CHODL: variants seen among roughly 807,000 people sequenced by gnomAD.
The protein encoded by CHODL is transmembrane protein MT75.
CHODL carries 29 observed loss-of-function variants against 34.5 expected under a neutral mutation model. The observed-to-expected ratio is 0.84, with a 90% CI of 0.63 to 1.15. The LOEUF (loss-of-function observed/expected upper bound fraction) is 1.15, where lower values mean the gene tolerates loss of function less well. Ranked by LOEUF, CHODL falls within the 50% of genes most tolerant of loss-of-function variation. The pLI is 0.00. For synonymous variants in CHODL, 125 were observed against 116.1 expected (o/e 1.08, Z -0.49); for missense variants, 332 against 332.5 (o/e 1.00, Z 0.01).
In CHODL at chr21:18,227,899, CAAATA is replaced by C. The variant is rs563807784; in HGVS notation, c.-44-28605_-44-28601del. 3.2e-4 allele frequency among the ~76,000 whole-genome samples: 49 copies of C among 152,154 alleles called. 1 individual carries two copies. Among genetic ancestry groups the C allele is most frequent in the African/African-American group, 1.2e-3 (48 of 41,544 alleles). On this transcript the variant is annotated intron_variant, in intron 2 of 6. Transcript: ENST00000400127. ...TGAAAATATTGCTTTGCAATAAATA[CAAATA>C]AAATTCTAACTTTCTAGAAGAACAA...
intron 1 of CHODL, among the ~76,000 whole-genome samples, chr21:17,977,346 G>C (rs1568826357): frequency 6.7e-6 from 1 of 150,120 alleles, no homozygotes; most frequent in East Asian, 2.0e-4. Flanking sequence ...ACATGTTAAG[G>C]TGTTGTTGGC....
intron 2 of CHODL, among the ~76,000 whole-genome samples, chr21:18,230,181 T>C (rs538768210): frequency 6.6e-6 from 1 of 152,234 alleles, no homozygotes; most frequent in East Asian, 1.9e-4. Flanking sequence ...TCAGTGCCAT[T>C]CAGGGTCCTC....
chr21:17,992,736 TTTTTTTTC>T lies in CHODL; in HGVS notation c.-144-35135_-144-35128del, dbSNP rs1308783482. 7.7e-3 allele frequency among the ~76,000 whole-genome samples: 386 copies of T among 49,864 alleles called. 17 individuals are homozygous for T. The South Asian group carries it at 0.1, about 13-fold the overall frequency. The allele number at this position is 49,864 out of a possible 152,430, so 32.7% of individuals were successfully genotyped here. ...TGGAGTTGTTTTTTTTTTTTTTTTT[TTTTTTTTC>T]CAGACAGAGTTTCACTTCTGTTGCT... On this transcript the variant is annotated intron_variant, in intron 1 of 6. Coordinates refer to the CHODL transcript ENST00000400127.
chr21:18,202,179 T>A (rs1376387259), intron 2 of CHODL, among the ~76,000 whole-genome samples: 1 of 152,202 alleles, frequency 6.6e-6, no homozygotes, highest in African/African-American at 2.4e-5. Context: ...GAAAATTGTA[T>A]TCAAATAATT....
At chr21:18,013,634 G>GTTTTTTTTTTTTTTTTTTTTTT (rs1568844372) in intron 1 of CHODL, among the ~76,000 whole-genome samples, 1 of 36,268 alleles carries the variant, frequency 2.8e-5, no homozygotes, top group African/African-American at 1.8e-4. Context: ...TGCTGCTGCT[G>GTTTTTTTTTTTTTTTTTTTTTT]CTTTTTTTTT....
At chr21:18,002,895 G>A (rs567447310) in intron 1 of CHODL, among the ~76,000 whole-genome samples, 1 of 152,018 alleles carries the variant, frequency 6.6e-6, no homozygotes, top group East Asian at 1.9e-4. Context: ...AGGCCGAGGC[G>A]GGCGGATCAT....
At chr21:18,028,274 T>C (rs1464312668) in intron 2 of CHODL, among the ~76,000 whole-genome samples, 194 of 17,510 alleles carry the variant, frequency 0.011, 6 homozygotes, top group African/African-American at 0.067. Context: ...CTTTTTCCTT[T>C]TCCCCTTCCT....
chr21:18,150,540 T>C (rs1040322220), intron 2 of CHODL, among the ~76,000 whole-genome samples: 3 of 152,106 alleles, frequency 2.0e-5, no homozygotes, highest in Admixed American at 6.5e-5. Context: ...GGGTTGCAGA[T>C]TGATGACAAC....
Position 18,003,462 on chromosome 21 carries a change from C to G in CHODL, c.-144-24410C>G, listed in dbSNP as rs141474990. Among the ~76,000 whole-genome samples, 723 of 151,264 alleles carry G rather than the reference C, an allele frequency of 4.8e-3. 9 individuals carry two copies. The highest frequency in any genetic ancestry group is 0.016 in the African/African-American group (659 of 41,328). ...TATTAAAAATGAAAACCAATACTGA[C>G]TGATTGCTTTCTAAGTGATAGGCAG... On this transcript the variant is annotated intron_variant, in intron 1 of 6. Transcript: ENST00000400127.
chr21:17,964,944 A>G (rs197523), intron 1 of CHODL, among the ~76,000 whole-genome samples: 95,281 of 152,036 alleles, frequency 0.63, 30,654 homozygotes, highest in East Asian at 0.79. Flanking sequence ...ATAGACAAAT[A>G]AAATAGAAGC....
At chr21:18,039,310 G>A (rs938133989) in intron 2 of CHODL, among the ~76,000 whole-genome samples, 39 of 151,732 alleles carry the variant, frequency 2.6e-4, no homozygotes, top group African/African-American at 8.5e-4. Context: ...TAATGTAATA[G>A]AAAGTGTTAA....
intron 2 of CHODL, among the ~76,000 whole-genome samples, chr21:18,188,194 T>C (rs576023496): frequency 5.3e-4 from 81 of 152,266 alleles, no homozygotes; most frequent in African/African-American, 1.9e-3. Flanking sequence ...CCCATGTAAG[T>C]CTACTTTGTT....
chr21:18,180,397 G>C (rs1041110458), intron 2 of CHODL, among the ~76,000 whole-genome samples: 5 of 152,136 alleles, frequency 3.3e-5, no homozygotes, highest in Non-Finnish European at 7.4e-5. Context: ...CTCCTGCTGG[G>C]CCTCCCAAAG....
chr21:17,952,653 T>C (rs197586), intron 1 of CHODL, among the ~76,000 whole-genome samples: 117,814 of 152,062 alleles, frequency 0.77, 46,450 homozygotes, highest in African/African-American at 0.93. Context: ...TTATGTGCAT[T>C]TGAAAATAGT....
intron 2 of CHODL, among the ~76,000 whole-genome samples, chr21:18,201,468 A>C (rs532621277): frequency 8.5e-5 from 13 of 152,224 alleles, no homozygotes; most frequent in Non-Finnish European, 1.9e-4. Flanking sequence ...TAATAACAAA[A>C]AAAAAAGACT....
At chr21:17,984,125 G>A (rs1211579072) in intron 1 of CHODL, among the ~76,000 whole-genome samples, 1 of 152,044 alleles carries the variant, frequency 6.6e-6, no homozygotes, top group Non-Finnish European at 1.5e-5. Flanking sequence ...GACTATTTTA[G>A]ATACCCGATG....
In CHODL at chr21:17,938,496, G is replaced by GTTTTTTTTTTTT. The variant is rs2063336099; in HGVS notation, c.-145+21096_-145+21097insTTTTTTTTTTTT. Among the ~76,000 whole-genome samples, 147 of 43,686 alleles carry GTTTTTTTTTTTT rather than the reference G, an allele frequency of 3.4e-3. 49 individuals are homozygous for GTTTTTTTTTTTT. Among genetic ancestry groups the GTTTTTTTTTTTT allele is most frequent in the South Asian group, 4.8e-3 (4 of 832 alleles). The allele number at this position is 43,686 out of a possible 152,430, so 28.7% of individuals were successfully genotyped here. A position where few individuals can be genotyped will look rare whatever the true frequency, so the allele number is the denominator to read the frequency against. ...TTTTTTTTTTTTTTTTTTTTTTTAA[G>GTTTTTTTTTTTT]GAAAGGGAGTCTCGCTCCATCGCCC... On this transcript the variant is annotated intron_variant, in intron 1 of 6. Coordinates refer to the CHODL transcript ENST00000400127.
At chr21:18,060,283 T>C (rs2064643193) in intron 2 of CHODL, among the ~76,000 whole-genome samples, 1 of 151,950 alleles carries the variant, frequency 6.6e-6, no homozygotes, top group African/African-American at 2.4e-5. Context: ...GGCAAAACCT[T>C]GTCTCTACAA....
At chr21:18,005,198 A>G (rs1357583829) in intron 1 of CHODL, among the ~76,000 whole-genome samples, 1 of 152,228 alleles carries the variant, frequency 6.6e-6, no homozygotes, top group Non-Finnish European at 1.5e-5. Flanking sequence ...ACTTCCTTGC[A>G]CCATGACTTG....
Sources: gnomAD v4.1 joint callset for allele counts (sites outside exome capture counted in the v4.1 genomes callset) on GRCh38, gnomAD v4.1.1 for gene constraint, MANE v1.5 for transcripts, NCBI Gene and HGNC (gene_info 2026-07-23, HGNC 2026-07-21) for gene names.